The following EPHB1 variants were observed in gnomAD, a reference collection of about 807,000 sequenced individuals.
EPHB1 encodes the protein EPH receptor B1, also known as ephrin type-B receptor 1.
Under a neutral mutation model 94.4 loss-of-function variants are expected in EPHB1, and 30 were observed. The observed-to-expected ratio is 0.32, with a 90% CI of 0.24 to 0.43. The LOEUF (loss-of-function observed/expected upper bound fraction) is 0.43. Among genes scored for constraint, EPHB1 ranks in the 20% least tolerant of loss-of-function variants. The probability of loss-of-function intolerance (pLI) is 1.00; values close to 1 mark genes in which losing one functional copy is unlikely to be tolerated. For synonymous variants in EPHB1, 522 were observed against 489.1 expected, an observed-to-expected ratio of 1.07 and a Z score of -0.89; for missense variants, 1,055 against 1,308.3, an observed-to-expected ratio of 0.81 and a Z score of 2.99.
At chr3:135,234,761 G>A (rs1943609717) in intron 12 of EPHB1, among the ~76,000 whole-genome samples, 2 of 152,294 alleles carry the variant, frequency 1.3e-5, no homozygotes, top group Middle Eastern at 3.4e-3. Context: ...AGGGGAAAAA[G>A]CCCCTTATAG....
chr3:134,968,055 T>G (rs1236463620), intron 3 of EPHB1, among the ~76,000 whole-genome samples: 1 of 152,194 alleles, frequency 6.6e-6, no homozygotes, highest in African/African-American at 2.4e-5. Flanking sequence ...TGGAAAAAGC[T>G]GTAGAGAAAA....
intron 9 of EPHB1, among the ~76,000 whole-genome samples, chr3:135,175,826 T>C (rs1941963990): frequency 6.6e-6 from 1 of 152,226 alleles, no homozygotes; most frequent in East Asian, 1.9e-4. Context: ...GAACGTTTTC[T>C]GAGCCCTGTC....
intron 3 of EPHB1, among the ~76,000 whole-genome samples, chr3:134,968,845 A>G (rs771732782): frequency 2.6e-5 from 4 of 152,216 alleles, no homozygotes; most frequent in Non-Finnish European, 4.4e-5. Context: ...TTCACTCAGC[A>G]TAATGCCTGC....
chr3:135,192,488 G>C (rs1942486510), intron 10 of EPHB1, 88 bp from the exon 11 acceptor site: 1 of 1,465,422 alleles, frequency 6.8e-7, no homozygotes, highest in Non-Finnish European at 9.3e-7. Context: ...TTCCACTTGG[G>C]GCACCATTGT....
chr3:135,165,986 T>G lies in EPHB1; in HGVS notation c.1604T>G (p.Leu535Arg). The G allele has an allele frequency of 6.2e-7, 1 of 1,613,988 alleles. No individual in the cohort carries two copies. Among genetic ancestry groups the G allele is most frequent in the South Asian group, 1.1e-5 (1 of 91,082 alleles). The part of the protein sequence containing the change: ...TLTDDDYKSE[L>R]REQLPLIAGS... Reference sequence around the variant, plus strand: ...CACCTAGATGATTACAAGTCAGAGCTGAGGGAGCAGCTGCCCCTGATTGCT... The same window carrying G: ...CACCTAGATGATTACAAGTCAGAGCGGAGGGAGCAGCTGCCCCTGATTGCT... The change falls in exon 8 of 16, where the codon CTG becomes CGG. Residue 535 changes from leucine to arginine, a missense_variant. Coordinates refer to ENST00000398015, the MANE Select transcript of EPHB1 (RefSeq NM_004441.5).
intron 3 of EPHB1, among the ~76,000 whole-genome samples, chr3:134,960,527 T>A (rs1933473194): frequency 6.6e-6 from 1 of 152,208 alleles, no homozygotes; most frequent in African/African-American, 2.4e-5. Context: ...TGGGTATGTT[T>A]TGGGTCCCAG....
chr3:134,864,799 A>G (rs1278131163), intron 1 of EPHB1, among the ~76,000 whole-genome samples: 1 of 152,200 alleles, frequency 6.6e-6, no homozygotes, highest in Non-Finnish European at 1.5e-5. Context: ...ATGTTTTTGC[A>G]ATACCCATTT....
intron 9 of EPHB1, among the ~76,000 whole-genome samples, chr3:135,171,512 A>G (rs1941800328): frequency 1.3e-5 from 2 of 152,236 alleles, no homozygotes; most frequent in South Asian, 2.1e-4. Context: ...ACCACAGAAG[A>G]TGAATCAAAA....
At chr3:134,837,145 G>T (rs1233954383) in intron 1 of EPHB1, among the ~76,000 whole-genome samples, 1 of 152,112 alleles carries the variant, frequency 6.6e-6, no homozygotes, top group Non-Finnish European at 1.5e-5. Flanking sequence ...ACTGATCCTC[G>T]CCCAGCTCTG....
At chr3:134,862,700 G>A (rs7641885) in intron 1 of EPHB1, among the ~76,000 whole-genome samples, 83,103 of 151,970 alleles carry the variant, frequency 0.55, 25,602 homozygotes, top group East Asian at 0.8. Context: ...ACATGTTGCC[G>A]TGGCCATTGG....
chr3:134,914,273 T>G (rs746979817), intron 1 of EPHB1, among the ~76,000 whole-genome samples: 1 of 152,186 alleles, frequency 6.6e-6, no homozygotes, highest in Non-Finnish European at 1.5e-5. Context: ...CGTGGAAACA[T>G]AACAATGACT....
chr3:134,830,713 A>T (rs2036566385), intron 1 of EPHB1, among the ~76,000 whole-genome samples: 1 of 152,280 alleles, frequency 6.6e-6, no homozygotes. Flanking sequence ...GCTGATGGGC[A>T]TGACCGTGTT....
At chr3:134,982,147 A>T (rs577022249) in intron 3 of EPHB1, among the ~76,000 whole-genome samples, 2 of 152,308 alleles carry the variant, frequency 1.3e-5, no homozygotes, top group Admixed American at 1.3e-4. Context: ...GCTACATTAC[A>T]CTTATCTTTA....
intron 5 of EPHB1, among the ~76,000 whole-genome samples, chr3:135,144,430 T>C (rs1559849729): frequency 6.6e-6 from 1 of 152,222 alleles, no homozygotes; most frequent in East Asian, 1.9e-4. Flanking sequence ...TCTGATTCAC[T>C]GAGTCTAGGA....
chr3:135,036,795 A>C (rs563196219), intron 3 of EPHB1, among the ~76,000 whole-genome samples: 136 of 152,290 alleles, frequency 8.9e-4, no homozygotes, highest in South Asian at 2.7e-3. Flanking sequence ...CAAATATGGA[A>C]GCTGCATCTT....
At chr3:135,243,189 A>G (rs559876634) in intron 13 of EPHB1, among the ~76,000 whole-genome samples, 1 of 152,288 alleles carries the variant, frequency 6.6e-6, no homozygotes, top group Admixed American at 6.5e-5. Flanking sequence ...TGAATTACAA[A>G]ACTGTCTGAC....
At chr3:135,168,375 T>C (rs1941708581) in intron 9 of EPHB1, among the ~76,000 whole-genome samples, 1 of 152,216 alleles carries the variant, frequency 6.6e-6, no homozygotes, top group South Asian at 2.1e-4. Flanking sequence ...GTCCTGCTTA[T>C]TCCTCTTTCT....
chr3:134,946,260 C>T (rs1377885688), intron 2 of EPHB1, among the ~76,000 whole-genome samples: 2 of 152,180 alleles, frequency 1.3e-5, no homozygotes, highest in East Asian at 1.9e-4. Flanking sequence ...CGGCTCTGAT[C>T]GCCTGTGTTT....
chr3:135,144,849 C>G (rs1398352186), intron 5 of EPHB1, among the ~76,000 whole-genome samples: 1 of 152,172 alleles, frequency 6.6e-6, no homozygotes, highest in Non-Finnish European at 1.5e-5. Context: ...CAAGGAAGTC[C>G]TCTGTCCCCA....
Sources: allele counts gnomAD v4.1 joint callset (sites outside exome capture counted in the v4.1 genomes callset), GRCh38; gene constraint gnomAD v4.1.1; transcripts MANE v1.5; gene names NCBI Gene and HGNC (gene_info 2026-07-23, HGNC 2026-07-21).